Variants in LINGO2 observed in about 807,000 individuals in gnomAD.
LINGO2 encodes leucine rich repeat and Ig domain containing 2.
In LINGO2, 14 loss-of-function variants were observed where a neutral mutation model predicts 30.6. The ratio of observed to expected loss-of-function variants is 0.46; its 90% confidence interval spans 0.30 to 0.72. The LOEUF (loss-of-function observed/expected upper bound fraction) is 0.72, where lower values mean the gene tolerates loss of function less well. Ranked by LOEUF, LINGO2 falls within the 30% of genes least tolerant of loss-of-function variation. The pLI is 0.07. For synonymous variants in LINGO2, 317 were observed against 288.5 expected (o/e 1.10, Z -1.00); for missense variants, 729 against 751.7 (o/e 0.97, Z 0.35).
intron 4 of LINGO2, among the ~76,000 whole-genome samples, chr9:28,237,048 A>T (rs548156974): frequency 1.3e-5 from 2 of 149,168 alleles, no homozygotes; most frequent in South Asian, 4.2e-4. Flanking sequence ...AAAATAAAAA[A>T]ATTTAAAGTC....
intron 5 of LINGO2, among the ~76,000 whole-genome samples, chr9:27,995,422 C>T (rs990467549): frequency 2.0e-5 from 3 of 152,092 alleles, no homozygotes; most frequent in Non-Finnish European, 4.4e-5. Flanking sequence ...CAGACAAAGA[C>T]GAACAATAAA....
chr9:29,119,844 C>G, the LINGO2 span, among the ~76,000 whole-genome samples: 1 of 151,998 alleles, frequency 6.6e-6, no homozygotes, highest in African/African-American at 2.4e-5. Context: ...GTGATCCCCC[C>G]ACCTTGGCCT....
intron 5 of LINGO2, among the ~76,000 whole-genome samples, chr9:27,981,815 T>G (rs922435181): frequency 6.6e-6 from 1 of 151,758 alleles, no homozygotes; most frequent in African/African-American, 2.4e-5. Context: ...ATAATGCAAA[T>G]ACAATAGTAG....
At chr9:28,189,119 C>G (rs568027060) in intron 4 of LINGO2, among the ~76,000 whole-genome samples, 3 of 152,016 alleles carry the variant, frequency 2.0e-5, no homozygotes, top group Admixed American at 6.6e-5. Context: ...AAATTCAGAA[C>G]AAAGTTCCTG....
chr9:28,048,867 TTG>T (rs779722370), intron 4 of LINGO2, among the ~76,000 whole-genome samples: 3 of 150,840 alleles, frequency 2.0e-5, no homozygotes, highest in East Asian at 2.0e-4. Context: ...TAGTTTGTGT[TTG>T]TGTTTATGCC....
chr9:28,886,653 T>C, the LINGO2 span, among the ~76,000 whole-genome samples: 4 of 152,160 alleles, frequency 2.6e-5, no homozygotes, highest in African/African-American at 9.7e-5. Flanking sequence ...GTTTTTGATT[T>C]CCCGCTTTTA....
the LINGO2 span, among the ~76,000 whole-genome samples, chr9:28,711,421 A>G: frequency 2.6e-5 from 4 of 152,154 alleles, no homozygotes; most frequent in African/African-American, 9.6e-5. Flanking sequence ...TAAAGTGTTT[A>G]GCCCAGAGGC....
chr9:28,418,824 CAT>C (rs1823075249), intron 2 of LINGO2, among the ~76,000 whole-genome samples: 1 of 151,896 alleles, frequency 6.6e-6, no homozygotes, highest in South Asian at 2.1e-4. Context: ...CAACATTTAA[CAT>C]AATCTTTAAT....
the LINGO2 span, among the ~76,000 whole-genome samples, chr9:29,145,981 A>T: frequency 1.3e-5 from 2 of 152,218 alleles, no homozygotes; most frequent in Admixed American, 1.3e-4. Context: ...TGAAACCATT[A>T]CAAGTTAAAA....
At chr9:28,280,072 T>A (rs1179105739) in intron 4 of LINGO2, among the ~76,000 whole-genome samples, 1 of 152,156 alleles carries the variant, frequency 6.6e-6, no homozygotes, top group Non-Finnish European at 1.5e-5. Context: ...ATCTTCTGAC[T>A]GATTTTTTGA....
At chr9:28,204,607 GC>G (rs1406787651) in intron 4 of LINGO2, among the ~76,000 whole-genome samples, 1 of 152,032 alleles carries the variant, frequency 6.6e-6, no homozygotes, top group East Asian at 1.9e-4. Context: ...TTGATTGATT[GC>G]CCCTCAGTTC....
At chr9:28,999,212 C>T in the LINGO2 span, among the ~76,000 whole-genome samples, 1 of 151,978 alleles carries the variant, frequency 6.6e-6, no homozygotes, top group Non-Finnish European at 1.5e-5. Context: ...TAAATAAATA[C>T]AAAGCCAGGA....
chr9:28,795,338 A>G, the LINGO2 span, among the ~76,000 whole-genome samples: 1 of 152,194 alleles, frequency 6.6e-6, no homozygotes. Flanking sequence ...AGGTCTTTAT[A>G]TTCAATTTGA....
the LINGO2 span, among the ~76,000 whole-genome samples, chr9:29,027,621 A>G: frequency 6.6e-6 from 1 of 152,164 alleles, no homozygotes; most frequent in Non-Finnish European, 1.5e-5. Context: ...TACAGGCATG[A>G]GCCACCACAC....
chr9:28,391,601 T>TTGCG lies in LINGO2; in HGVS notation c.-278-18737_-278-18734dup, dbSNP rs535256158. 7.9e-3 allele frequency among the ~76,000 whole-genome samples: 786 copies of TTGCG among 99,414 alleles called. 26 individuals are homozygous for TTGCG. In the East Asian group the frequency reaches 0.17, roughly 22 times the overall value. The allele number at this position is 99,414 out of a possible 152,430, so 65.2% of individuals were successfully genotyped here. A position where few individuals can be genotyped will look rare whatever the true frequency, so the allele number is the denominator to read the frequency against. On this transcript the variant is annotated intron_variant, in intron 2 of 5. Transcript: ENST00000379992. ...TTCTTTTCACAATTTGTATTTATGTTTGCGTGTGTGTGTGTGTGTGTGTGT... is the reference window on the plus strand; with the variant it reads ...TTCTTTTCACAATTTGTATTTATGTTTGCGTGCGTGTGTGTGTGTGTGTGTGTGT...
intron 4 of LINGO2, among the ~76,000 whole-genome samples, chr9:28,243,393 G>A (rs2133981310): frequency 6.6e-6 from 1 of 151,698 alleles, no homozygotes; most frequent in East Asian, 1.9e-4. Context: ...CTGGGAGGCA[G>A]AGGTTACAGT....
chr9:28,237,082 T>G (rs1332845940), intron 4 of LINGO2, among the ~76,000 whole-genome samples: 1 of 119,494 alleles, frequency 8.4e-6, no homozygotes, highest in Admixed American at 1.0e-4. Context: ...CACAGTACAG[T>G]AAGTCACAAA....
At chr9:28,882,409 G>C in the LINGO2 span, among the ~76,000 whole-genome samples, 1 of 152,122 alleles carries the variant, frequency 6.6e-6, no homozygotes, top group South Asian at 2.1e-4. Flanking sequence ...TTATTGAGAA[G>C]TTTGGAAACA....
intron 1 of LINGO2, among the ~76,000 whole-genome samples, chr9:28,636,807 C>A (rs970430189): frequency 1.2e-4 from 18 of 152,254 alleles, no homozygotes; most frequent in Non-Finnish European, 1.5e-5. Flanking sequence ...TTTTGCTGTG[C>A]AGAAGCTCTG....
Sources: allele counts gnomAD v4.1 joint callset (sites outside exome capture counted in the v4.1 genomes callset), GRCh38; gene constraint gnomAD v4.1.1; transcripts MANE v1.5; gene names NCBI Gene and HGNC (gene_info 2026-07-23, HGNC 2026-07-21).